The following MYH15 variants were observed in gnomAD, a reference collection of about 807,000 sequenced individuals.
The protein encoded by MYH15 is myosin heavy chain 15, also known as myosin-15.
Under a neutral mutation model 240.5 loss-of-function variants are expected in MYH15, and 227 were observed. The observed-to-expected ratio is 0.94, with a 90% CI of 0.85 to 1.05. MYH15 has a LOEUF of 1.05. Ranked by LOEUF, MYH15 falls within the 50% of genes least tolerant of loss-of-function variation. The pLI, the probability that MYH15 is intolerant of heterozygous loss-of-function variation, is 0.00. For synonymous variants in MYH15, 785 were observed against 796.7 expected (o/e 0.99, Z 0.25); for missense variants, 2,217 against 2,247.5 (o/e 0.99, Z 0.27).
intron 37 of MYH15, among the ~76,000 whole-genome samples, chr3:108,390,085 G>A (rs576114970): frequency 6.6e-6 from 1 of 152,106 alleles, no homozygotes; most frequent in African/African-American, 2.4e-5. Flanking sequence ...CTGACACACA[G>A]TTCTGTCTGT....
At chr3:108,460,251 T>C (rs1449643364) in intron 17 of MYH15, 49 bp downstream of exon 17, 3 of 1,387,472 alleles carry the variant, frequency 2.2e-6, no homozygotes, top group Non-Finnish European at 3.0e-6. Flanking sequence ...TAATAACATA[T>C]GCAGATTGTG....
the MYH15 span, among the ~76,000 whole-genome samples, chr3:108,536,196 C>T: frequency 1.3e-5 from 2 of 152,056 alleles, no homozygotes; most frequent in African/African-American, 4.8e-5. Flanking sequence ...ACCTGGGAGG[C>T]GGAGGTTGCA....
intron 18 of MYH15, among the ~76,000 whole-genome samples, chr3:108,458,138 T>C (rs1052869710): frequency 6.6e-6 from 1 of 152,200 alleles, no homozygotes; most frequent in African/African-American, 2.4e-5. Flanking sequence ...TAAGTACATA[T>C]GAATAACTGT....
chr3:108,402,204 C>G (rs1036273368), intron 33 of MYH15, among the ~76,000 whole-genome samples: 1 of 152,078 alleles, frequency 6.6e-6, no homozygotes, highest in East Asian at 1.9e-4. Flanking sequence ...GTTTGAGGTT[C>G]TAATTTTCAA....
intron 1 of MYH15, among the ~76,000 whole-genome samples, 169 bp downstream of exon 1, chr3:108,510,274 C>T (rs998068032): frequency 2.0e-5 from 3 of 152,134 alleles, no homozygotes; most frequent in African/African-American, 4.8e-5. Flanking sequence ...TCCATTCCTA[C>T]CCTGGATACT....
At chr3:108,392,668 G>A (rs181297755) in intron 36 of MYH15, among the ~76,000 whole-genome samples, 2 of 152,210 alleles carry the variant, frequency 1.3e-5, no homozygotes, top group African/African-American at 4.8e-5. Flanking sequence ...ATTACATTCT[G>A]TGATGTGGGG....
In MYH15 at chr3:108,406,285, G is replaced by A. The variant is rs528647099; in HGVS notation, c.4621-832C>T. Among the ~76,000 whole-genome samples the A allele has an allele frequency of 5.9e-5, 9 of 152,232 alleles. 1 individual carries two copies. The highest frequency in any genetic ancestry group is 2.6e-4 in the Admixed American group (4 of 15,298). On this transcript the variant is annotated intron_variant, in intron 32 of 40. Transcript: ENST00000693548. ...TCAGTTAGCTACAGGCAGTCCTAAG[G>A]GCAGAAGTAATTTTTTCATAGCCTC...
chr3:108,406,755 A>T (rs2082549502), intron 32 of MYH15, among the ~76,000 whole-genome samples: 1 of 152,238 alleles, frequency 6.6e-6, no homozygotes, highest in Non-Finnish European at 1.5e-5. Context: ...AAATGCGAAT[A>T]GAATGTGTTG....
At chr3:108,485,716 G>A (rs757664821) in intron 10 of MYH15, among the ~76,000 whole-genome samples, 46 of 152,148 alleles carry the variant, frequency 3.0e-4, no homozygotes, top group Non-Finnish European at 5.7e-4. Flanking sequence ...ACTGCACAAG[G>A]TGTGCATTCT....
chr3:108,393,665 T>C (rs1269863091), intron 36 of MYH15, among the ~76,000 whole-genome samples: 4 of 152,244 alleles, frequency 2.6e-5, no homozygotes, highest in Non-Finnish European at 5.9e-5. Flanking sequence ...CATAAAACTG[T>C]TATAGACCCT....
intron 21 of MYH15, among the ~76,000 whole-genome samples, chr3:108,448,428 A>T (rs1230621389): frequency 2.0e-5 from 3 of 152,064 alleles, no homozygotes; most frequent in Non-Finnish European, 4.4e-5. Context: ...TGCAAATGGA[A>T]ATTGAAAAAG....
intron 24 of MYH15, among the ~76,000 whole-genome samples, chr3:108,439,480 A>G (rs2082867829): frequency 6.6e-6 from 1 of 152,208 alleles, no homozygotes; most frequent in South Asian, 2.1e-4. Flanking sequence ...TTTACCATTC[A>G]TCTTAATGTT....
chr3:108,530,369 T>A (rs535626914), upstream of MYH15, among the ~76,000 whole-genome samples: 1 of 152,166 alleles, frequency 6.6e-6, no homozygotes, highest in Non-Finnish European at 1.5e-5. Flanking sequence ...GACAATTGTA[T>A]GACATTCTTG....
intron 36 of MYH15, among the ~76,000 whole-genome samples, chr3:108,393,608 G>C (rs1031364792): frequency 3.9e-5 from 6 of 152,098 alleles, no homozygotes; most frequent in Non-Finnish European, 8.8e-5. Flanking sequence ...CAGTAGTACA[G>C]GTTGTAAAAA....
chr3:108,520,415 T>C (rs926715144), intron 1 of MYH15, among the ~76,000 whole-genome samples: 11 of 152,102 alleles, frequency 7.2e-5, no homozygotes, highest in African/African-American at 2.2e-4. Context: ...TCAAAAGAAA[T>C]GGGCAGACCA....
At chr3:108,398,393 C>T (rs549527527) in intron 35 of MYH15, among the ~76,000 whole-genome samples, 3 of 152,210 alleles carry the variant, frequency 2.0e-5, no homozygotes, top group Non-Finnish European at 4.4e-5. Context: ...AGGCTTCCAA[C>T]CTCCAGGAAT....
Position 108,430,825 on chromosome 3 carries a change from T to C in MYH15, c.3312+7A>G. 6.2e-7 allele frequency: 1 copy of C among 1,602,788 alleles called. No individual in the cohort carries two copies. Among genetic ancestry groups the C allele is most frequent in the Non-Finnish European group, 8.5e-7 (1 of 1,172,142 alleles). ...TAAATACACAGGCATATTTGATAAT[T>C]GATTACCTGAAGCTCTTTAACCGTC... On this transcript the variant is annotated splice_region_variant and intron_variant, in intron 26 of 40. Coordinates refer to ENST00000693548, the MANE Select transcript of MYH15 (RefSeq NM_014981.3).
At chr3:108,528,739 TA>T (rs1380688616) in intron 1 of MYH15, among the ~76,000 whole-genome samples, 1 of 152,154 alleles carries the variant, frequency 6.6e-6, no homozygotes, top group Admixed American at 6.6e-5. Context: ...CAGTGCTAAT[TA>T]ATACTCAGCA....
At chr3:108,447,835 G>A (rs992027449) in intron 21 of MYH15, among the ~76,000 whole-genome samples, 1 of 151,468 alleles carries the variant, frequency 6.6e-6, no homozygotes, top group African/African-American at 2.4e-5. Context: ...CTGTAATAAT[G>A]GTGCATAAAT....
Sources: allele counts gnomAD v4.1 joint callset (sites outside exome capture counted in the v4.1 genomes callset), GRCh38; gene constraint gnomAD v4.1.1; transcripts MANE v1.5; gene names NCBI Gene and HGNC (gene_info 2026-07-23, HGNC 2026-07-21).